Variants in DNAH14 observed in about 807,000 individuals in gnomAD.
DNAH14 encodes the protein dynein axonemal heavy chain 14.
In DNAH14, 478 loss-of-function variants were observed where a neutral mutation model predicts 520.9. That is an observed-to-expected ratio of 0.92 (90% CI 0.85 to 0.99). The LOEUF (loss-of-function observed/expected upper bound fraction) is 0.99. Among genes scored for constraint, DNAH14 ranks in the 50% least tolerant of loss-of-function variants. The pLI is 0.00. For synonymous variants in DNAH14, 1,581 were observed against 1,757.2 expected (o/e 0.90, Z 2.51); for missense variants, 4,831 against 5,234.5 (o/e 0.92, Z 2.38).
chr1:225,363,773 A>G (rs1236740669), intron 75 of DNAH14, among the ~76,000 whole-genome samples: 1 of 152,210 alleles, frequency 6.6e-6, no homozygotes, highest in Non-Finnish European at 1.5e-5. Context: ...ATTACTTATA[A>G]TACCTAATAC....
chr1:225,053,064 G>T (rs1378433726), intron 17 of DNAH14, among the ~76,000 whole-genome samples: 4 of 152,188 alleles, frequency 2.6e-5, no homozygotes, highest in Middle Eastern at 3.4e-3. Flanking sequence ...TTTCCCAGGG[G>T]TACCCCCACA....
chr1:225,126,607 T>C (rs2077740354), intron 27 of DNAH14, among the ~76,000 whole-genome samples: 2 of 152,172 alleles, frequency 1.3e-5, no homozygotes, highest in African/African-American at 4.8e-5. Context: ...TTTTTTTCTT[T>C]ATTAGTCTTG....
chr1:225,145,905 A>G (rs1395892008), intron 30 of DNAH14, among the ~76,000 whole-genome samples: 1 of 152,228 alleles, frequency 6.6e-6, no homozygotes, highest in Non-Finnish European at 1.5e-5. Context: ...AAGTTTCAAA[A>G]TACTGCAATT....
At chr1:225,359,302 G>A (rs2095467610) in intron 74 of DNAH14, among the ~76,000 whole-genome samples, 1 of 152,112 alleles carries the variant, frequency 6.6e-6, no homozygotes. Context: ...AACACATACT[G>A]TTGCTCTGGA....
At chr1:225,353,724 A>C (rs763407706) in intron 72 of DNAH14, 79 bp from the exon 73 acceptor site, 5 of 792,076 alleles carry the variant, frequency 6.3e-6, no homozygotes, top group Non-Finnish European at 8.1e-6. Context: ...TTTATGACAG[A>C]AATTTTCATT....
intron 1 of DNAH14, among the ~76,000 whole-genome samples, chr1:224,938,824 G>T (rs917938616): frequency 2.0e-5 from 3 of 152,108 alleles, no homozygotes; most frequent in Admixed American, 2.0e-4. Flanking sequence ...AGAAAATGTG[G>T]TATATATACA....
chr1:225,054,790 T>A (rs892348146), intron 17 of DNAH14, among the ~76,000 whole-genome samples: 1 of 152,144 alleles, frequency 6.6e-6, no homozygotes, highest in Non-Finnish European at 1.5e-5. Flanking sequence ...TTCTTTTGTG[T>A]ATGTATATTT....
chr1:225,003,139 C>T (rs2063894637), intron 9 of DNAH14, among the ~76,000 whole-genome samples: 2 of 151,920 alleles, frequency 1.3e-5, no homozygotes, highest in South Asian at 2.1e-4. Flanking sequence ...TATGCCTAAC[C>T]TAAGTCTATA....
chr1:225,148,606 T>G (rs2080182359), intron 31 of DNAH14, among the ~76,000 whole-genome samples: 1 of 152,058 alleles, frequency 6.6e-6, no homozygotes, highest in African/African-American at 2.4e-5. Context: ...TTCACCATGT[T>G]GGTCAGGCTG....
chr1:225,181,828 G>A (rs1041116723), intron 36 of DNAH14, among the ~76,000 whole-genome samples: 6 of 152,032 alleles, frequency 3.9e-5, no homozygotes, highest in African/African-American at 1.4e-4. Flanking sequence ...GTAGGTATGT[G>A]GCTTTATTTC....
chr1:225,079,672 C>CTTTTTTTTTTTTTTT, intron 18 of DNAH14, 124 bp downstream of exon 18: 1 of 305,384 alleles, frequency 3.3e-6, no homozygotes, highest in Non-Finnish European at 5.4e-6. Context: ...TACAAGTATT[C>CTTTTTTTTTTTTTTT]TTTTTTTTTT....
At position 224,934,777 on chromosome 1, in the gene DNAH14, A is replaced by G. The variant is rs1165938711; in HGVS notation, c.-34+4942A>G. Among the ~76,000 whole-genome samples the G allele has an allele frequency of 9.2e-5, 14 of 152,020 alleles. No individual in the cohort carries two copies. The South Asian group carries it at 2.9e-3, about 32-fold the overall frequency. On this transcript the variant is annotated intron_variant, in intron 1 of 85. Coordinates refer to ENST00000682510, the MANE Select transcript of DNAH14 (RefSeq NM_001367479.1). ...AAGATAGAATCTTAAAAACACCAAG[A>G]GAAAAGATCCTTGTCACCTATAAAG...
intron 54 of DNAH14, among the ~76,000 whole-genome samples, chr1:225,281,631 T>C (rs1359517179): frequency 6.6e-6 from 1 of 152,170 alleles, no homozygotes; most frequent in African/African-American, 2.4e-5. Flanking sequence ...CTTTAAAAGA[T>C]AATCAGATGA....
intron 56 of DNAH14, among the ~76,000 whole-genome samples, chr1:225,301,707 T>C (rs16844637): frequency 0.049 from 7,504 of 152,194 alleles, 451 homozygotes; most frequent in East Asian, 0.24. Context: ...TTGTCTATCA[T>C]AGGGCAATTT....
At chr1:225,127,579 T>C (rs1340460762) in intron 27 of DNAH14, among the ~76,000 whole-genome samples, 2 of 152,230 alleles carry the variant, frequency 1.3e-5, no homozygotes, top group East Asian at 1.9e-4. Context: ...TCCTCCATCC[T>C]TTTATTTTGA....
intron 21 of DNAH14, 138 bp from the exon 22 acceptor site, chr1:225,096,980 C>T: frequency 1.4e-6 from 1 of 709,354 alleles, no homozygotes; most frequent in Non-Finnish European, 2.1e-6. Flanking sequence ...GATCTGTATT[C>T]ATTTATGTGA....
chr1:225,159,196 G>T, intron 34 of DNAH14, 118 bp from the exon 35 acceptor site: 1 of 753,378 alleles, frequency 1.3e-6, no homozygotes, highest in Non-Finnish European at 2.1e-6. Context: ...TCCAGTGAGA[G>T]AGAGGAGGGA....
chr1:225,174,168 G>A (rs1034358931), intron 36 of DNAH14, among the ~76,000 whole-genome samples: 6 of 152,082 alleles, frequency 3.9e-5, no homozygotes, highest in African/African-American at 1.2e-4. Context: ...ATTAAATGAC[G>A]AGTCGATGGG....
Position 224,955,114 on chromosome 1 carries a change from A to C in DNAH14, c.217+16A>C, listed in dbSNP as rs758681034. ...AAAACAGAAGGTATTTATCAAGATT[A>C]CTATTCTGGCATGTTGATTTATATT... On this transcript the variant is annotated intron_variant, in intron 3 of 85. Coordinates refer to ENST00000682510, the MANE Select transcript of DNAH14 (RefSeq NM_001367479.1). The C allele has an allele frequency of 3.1e-6, 5 of 1,604,618 alleles. No homozygotes were observed. In the South Asian group the frequency reaches 5.7e-5, roughly 18 times the overall value.
Sources: gnomAD v4.1 joint callset for allele counts (sites outside exome capture counted in the v4.1 genomes callset) on GRCh38, gnomAD v4.1.1 for gene constraint, MANE v1.5 for transcripts, NCBI Gene and HGNC (gene_info 2026-07-23, HGNC 2026-07-21) for gene names.